CACNB2: variants seen among roughly 807,000 people sequenced by gnomAD.
CACNB2 encodes voltage-dependent L-type calcium channel subunit beta-2.
In CACNB2, 42 loss-of-function variants were observed where a neutral mutation model predicts 73.3. The ratio of observed to expected loss-of-function variants is 0.57; its 90% CI spans 0.45 to 0.74. The LOEUF is 0.74. Ranked by LOEUF, CACNB2 falls within the 30% of genes least tolerant of loss-of-function variation. The pLI, the probability that CACNB2 is intolerant of heterozygous loss-of-function variation, is 0.00. For synonymous variants in CACNB2, 348 were observed against 310.3 expected (o/e 1.12, Z -1.28); for missense variants, 940 against 853.0 (o/e 1.10, Z -1.27).
chr10:18,337,491 A>G (rs1337349937), intron 2 of CACNB2, among the ~76,000 whole-genome samples: 8 of 152,230 alleles, frequency 5.3e-5, no homozygotes, highest in African/African-American at 1.9e-4. Context: ...ACAGTGGTCT[A>G]GCACTTTTTG....
chr10:18,457,936 T>G (rs777205712), intron 3 of CACNB2, among the ~76,000 whole-genome samples: 1 of 152,078 alleles, frequency 6.6e-6, no homozygotes. Context: ...AAGTACTAAA[T>G]ATAAAAATCA....
chr10:18,458,000 A>T (rs956225115), intron 3 of CACNB2, among the ~76,000 whole-genome samples: 9 of 152,250 alleles, frequency 5.9e-5, no homozygotes, highest in Non-Finnish European at 1.2e-4. Context: ...GTTTTAGATA[A>T]TTACCAGCCT....
chr10:18,514,200 T>G, intron 6 of CACNB2, 36 bp from the exon 7 acceptor site: 2 of 1,611,752 alleles, frequency 1.2e-6, no homozygotes, highest in Non-Finnish European at 1.7e-6. Flanking sequence ...ATTTTTCCTC[T>G]CCTGTCCACC....
intron 3 of CACNB2, among the ~76,000 whole-genome samples, chr10:18,468,439 G>A (rs1257230706): frequency 1.3e-5 from 2 of 152,032 alleles, no homozygotes; most frequent in Non-Finnish European, 2.9e-5. Context: ...CCAGCCTGGA[G>A]TCAGATCCTG....
chr10:18,201,275 C>CTTTT (rs11381087), intron 2 of CACNB2, among the ~76,000 whole-genome samples: 1 of 138,674 alleles, frequency 7.2e-6, no homozygotes, highest in Admixed American at 7.2e-5. Flanking sequence ...GGTCCAGTAT[C>CTTTT]TTTTTTTTTT....
At chr10:18,376,808 G>C (rs2042818349) in intron 2 of CACNB2, among the ~76,000 whole-genome samples, 1 of 152,124 alleles carries the variant, frequency 6.6e-6, no homozygotes, top group South Asian at 2.1e-4. Context: ...GGTCAGGGAG[G>C]AGTTTGGAAT....
chr10:18,324,370 C>G (rs762777022), intron 2 of CACNB2, among the ~76,000 whole-genome samples: 1 of 152,204 alleles, frequency 6.6e-6, no homozygotes, highest in East Asian at 1.9e-4. Flanking sequence ...GCCAGGAAGA[C>G]AAAGAGGGAG....
intron 2 of CACNB2, among the ~76,000 whole-genome samples, chr10:18,290,347 A>C (rs1378143042): frequency 6.6e-6 from 1 of 151,620 alleles, no homozygotes; most frequent in Non-Finnish European, 1.5e-5. Context: ...TAAAGTGTTT[A>C]TGTTAATACC....
chr10:18,478,492 A>G (rs888731500), intron 3 of CACNB2, among the ~76,000 whole-genome samples: 1 of 152,246 alleles, frequency 6.6e-6, no homozygotes, highest in Admixed American at 6.5e-5. Context: ...ATGTGTGGGT[A>G]GTAAACTTCT....
chr10:18,534,244 C>A lies in CACNB2; in HGVS notation c.1206+17C>A. The A allele has an allele frequency of 6.2e-7, 1 of 1,600,926 alleles. No individual in the cohort carries two copies. Among genetic ancestry groups the A allele is most frequent in the Non-Finnish European group, 8.6e-7 (1 of 1,168,066 alleles). ...TCTCCTAAGGTAAGTAGGACTGCTA[C>A]TGTTTGCTCTATAATCAAACTTTCC... On this transcript the variant is annotated intron_variant, in intron 11 of 13. Transcript: ENST00000324631.
intron 3 of CACNB2, among the ~76,000 whole-genome samples, chr10:18,452,154 C>A (rs140617481): frequency 6.6e-6 from 1 of 152,240 alleles, no homozygotes; most frequent in Non-Finnish European, 1.5e-5. Flanking sequence ...CTGGGCATAG[C>A]GATGCACACC....
chr10:18,491,967 G>T (rs1249918368), intron 3 of CACNB2, among the ~76,000 whole-genome samples: 4 of 151,782 alleles, frequency 2.6e-5, no homozygotes, highest in Non-Finnish European at 5.9e-5. Flanking sequence ...ATCAAGAAAA[G>T]AGATTTAATT....
chr10:18,458,783 T>G (rs1194037134), intron 3 of CACNB2, among the ~76,000 whole-genome samples: 1 of 150,142 alleles, frequency 6.7e-6, no homozygotes, highest in African/African-American at 2.5e-5. Context: ...TTTTTTTTTT[T>G]GAGACAGAGT....
chr10:18,207,482 TG>T (rs1251806627), intron 2 of CACNB2, among the ~76,000 whole-genome samples: 1 of 152,208 alleles, frequency 6.6e-6, no homozygotes, highest in Non-Finnish European at 1.5e-5. Flanking sequence ...CCAGAGGTCT[TG>T]GAAGGCATCC....
intron 3 of CACNB2, among the ~76,000 whole-genome samples, chr10:18,485,520 T>A (rs987007985): frequency 6.6e-6 from 1 of 151,122 alleles, no homozygotes; most frequent in Non-Finnish European, 1.5e-5. Flanking sequence ...ACGGATTAGA[T>A]CTTCTTGACC....
At chr10:18,250,731 T>C (rs572487038) in intron 2 of CACNB2, among the ~76,000 whole-genome samples, 1 of 152,356 alleles carries the variant, frequency 6.6e-6, no homozygotes, top group South Asian at 2.1e-4. Flanking sequence ...AGATCCATCT[T>C]TGGCTTCCTC....
intron 2 of CACNB2, among the ~76,000 whole-genome samples, chr10:18,374,387 A>C (rs1271852731): frequency 2.0e-5 from 3 of 152,162 alleles, no homozygotes; most frequent in Non-Finnish European, 4.4e-5. Context: ...TGATGAGTAT[A>C]AAGGGGAACA....
At chr10:18,438,687 C>T (rs1472191770) in intron 3 of CACNB2, among the ~76,000 whole-genome samples, 1 of 152,250 alleles carries the variant, frequency 6.6e-6, no homozygotes, top group African/African-American at 2.4e-5. Context: ...TTAGAGCATT[C>T]GGATTTATAT....
At chr10:18,269,638 C>G (rs1292446038) in intron 2 of CACNB2, among the ~76,000 whole-genome samples, 2 of 152,180 alleles carry the variant, frequency 1.3e-5, no homozygotes, top group African/African-American at 4.8e-5. Flanking sequence ...GATCTTTCTT[C>G]CAAGTTTTAG....
Sources: gnomAD v4.1 joint callset for allele counts (sites outside exome capture counted in the v4.1 genomes callset) on GRCh38, gnomAD v4.1.1 for gene constraint, MANE v1.5 for transcripts, NCBI Gene and HGNC (gene_info 2026-07-23, HGNC 2026-07-21) for gene names.